GLDC: variants seen among roughly 807,000 people sequenced by gnomAD.
GLDC encodes the protein glycine decarboxylase, also known as glycine dehydrogenase (decarboxylating), mitochondrial.
GLDC carries 104 observed loss-of-function variants against 121.3 expected under a neutral mutation model. That is an observed-to-expected ratio of 0.86 (90% confidence interval 0.73 to 1.01). The LOEUF is 1.01. GLDC is among the 50% of genes least tolerant of loss of function. The pLI is 0.00. For synonymous variants in GLDC, 546 were observed against 480.6 expected, an observed-to-expected ratio of 1.14 and a Z score of -1.78; for missense variants, 1,429 against 1,306.6, an observed-to-expected ratio of 1.09 and a Z score of -1.44.
At chr9:6,548,796 G>C (rs1817449165) in intron 21 of GLDC, among the ~76,000 whole-genome samples, 1 of 152,134 alleles carries the variant, frequency 6.6e-6, no homozygotes, top group South Asian at 2.1e-4. Flanking sequence ...CTCAGTTCCA[G>C]CCTTTCCCTT....
intron 4 of GLDC, among the ~76,000 whole-genome samples, chr9:6,607,953 T>A (rs112425258): frequency 6.6e-6 from 1 of 151,600 alleles, no homozygotes. Flanking sequence ...CAAAACCCTA[T>A]CTCTACAAAA....
rs999698910 is a variant in GLDC, at chr9:6,532,521, A to C, written c.*496T>G. The C allele has an allele frequency of 1.9e-5, 3 of 157,550 alleles. No homozygotes were observed. The highest frequency in any genetic ancestry group is 4.2e-5 in the Non-Finnish European group (3 of 71,036). 9.8% of individuals were successfully genotyped at this position (157,550 alleles called of 1,614,324 possible). A position where few individuals can be genotyped will look rare whatever the true frequency, so the allele number is the denominator to read the frequency against. On this transcript the variant is annotated 3_prime_UTR_variant, in exon 25 of 25. Coordinates refer to ENST00000321612, the MANE Select transcript of GLDC (RefSeq NM_000170.3). Reference sequence around the variant, plus strand: ...TAATAAATGCAGATTAAAAAAAAAAAAACCTCACACAGAAAAAGAGGAGAA... The same window carrying C: ...TAATAAATGCAGATTAAAAAAAAAACAACCTCACACAGAAAAAGAGGAGAA...
At chr9:6,603,942 C>A (rs1438268992) in intron 7 of GLDC, among the ~76,000 whole-genome samples, 1 of 152,052 alleles carries the variant, frequency 6.6e-6, no homozygotes, top group South Asian at 2.1e-4. Flanking sequence ...ATTGGCCAGG[C>A]TCGTCTGGGA....
intron 5 of GLDC, chr9:6,605,510 G>T: frequency 1.7e-6 from 1 of 577,164 alleles, no homozygotes. Flanking sequence ...ACTCCCCTTT[G>T]CCCTTTCCTG....
chr9:6,555,664 C>A (rs1258846979), intron 18 of GLDC, among the ~76,000 whole-genome samples: 2 of 151,976 alleles, frequency 1.3e-5, no homozygotes, highest in African/African-American at 4.8e-5. Context: ...TGGCAGCATG[C>A]ACCTGTAGTC....
rs140098378 is a variant in GLDC at position 6,547,016 on chromosome 9, T to A, written c.2569+3787A>T. Among the ~76,000 whole-genome samples, 382 of 152,078 alleles carry A rather than the reference T, an allele frequency of 2.5e-3. 2 individuals carry two copies. Among genetic ancestry groups the A allele is most frequent in the African/African-American group, 8.9e-3 (370 of 41,470 alleles). ...TAAGAAGCATTATGTAGTGAATACA[T>A]AAACCAGCAGCATAGTCTTTATCAT... On this transcript the variant is annotated intron_variant, in intron 21 of 24. Transcript: ENST00000321612.
At chr9:6,639,124 C>A in intron 2 of GLDC, 1 of 731,496 alleles carries the variant, frequency 1.4e-6, no homozygotes, top group South Asian at 1.4e-5. Context: ...ATGACAAAAA[C>A]AGAGCTTTTT....
intron 2 of GLDC, among the ~76,000 whole-genome samples, chr9:6,633,105 A>AG (rs1819423626): frequency 6.6e-6 from 1 of 152,126 alleles, no homozygotes; most frequent in Non-Finnish European, 1.5e-5. Context: ...TCAGAAATGC[A>AG]GCCCCTCAAC....
At chr9:6,612,952 A>G (rs1818891228) in intron 3 of GLDC, among the ~76,000 whole-genome samples, 1 of 152,164 alleles carries the variant, frequency 6.6e-6, no homozygotes, top group African/African-American at 2.4e-5. Flanking sequence ...GGGTGACGGG[A>G]GTGAGACTCT....
chr9:6,558,385 G>T, intron 17 of GLDC, 174 bp downstream of exon 17: 1 of 756,508 alleles, frequency 1.3e-6, no homozygotes, highest in South Asian at 1.5e-5. Context: ...ATTAGAAAAC[G>T]GGGATTTCTC....
intron 17 of GLDC, chr9:6,557,755 C>T (rs960883708): frequency 6.6e-6 from 1 of 152,090 alleles, no homozygotes; most frequent in African/African-American, 2.4e-5. Flanking sequence ...TCCTGGCCAG[C>T]ATATCAGAGC....
intron 8 of GLDC, among the ~76,000 whole-genome samples, chr9:6,596,572 C>T (rs1053162069): frequency 6.6e-6 from 1 of 152,092 alleles, no homozygotes; most frequent in Non-Finnish European, 1.5e-5. Context: ...AAGACCCCAT[C>T]TCTAAAATAA....
intron 2 of GLDC, among the ~76,000 whole-genome samples, chr9:6,641,181 A>G (rs1377086350): frequency 6.6e-6 from 1 of 152,222 alleles, no homozygotes; most frequent in African/African-American, 2.4e-5. Context: ...CTGTCCGGCC[A>G]TTCTGTCCTA....
intron 22 of GLDC, among the ~76,000 whole-genome samples, chr9:6,538,057 C>A (rs1262554256): frequency 6.6e-6 from 1 of 151,998 alleles, no homozygotes; most frequent in African/African-American, 2.4e-5. Context: ...CTAACTGTAC[C>A]ATTTAATGAG....
intron 21 of GLDC, among the ~76,000 whole-genome samples, chr9:6,544,385 G>T (rs1016971994): frequency 1.3e-5 from 2 of 152,046 alleles, no homozygotes; most frequent in Non-Finnish European, 2.9e-5. Context: ...AGGCAAAGTC[G>T]CTGTTTGTCT....
At chr9:6,570,172 A>G (rs1817931340) in intron 15 of GLDC, among the ~76,000 whole-genome samples, 1 of 152,246 alleles carries the variant, frequency 6.6e-6, no homozygotes. Context: ...GAACACCAGC[A>G]GTCACCAAAA....
In GLDC at chr9:6,557,244, T is replaced by C. The variant is rs563474756; in HGVS notation, c.2053-942A>G. On this transcript the variant is annotated intron_variant, in intron 17 of 24. Transcript: ENST00000321612. Reference sequence around the variant, plus strand: ...CCTGATCTGATCTCTATACATTTGATGTATAGAAACATCACTATATACCCC... The same window carrying C: ...CCTGATCTGATCTCTATACATTTGACGTATAGAAACATCACTATATACCCC... Among the ~76,000 whole-genome samples, 8 of 152,362 alleles carry C rather than the reference T, an allele frequency of 5.3e-5. 1 individual carries two copies. The South Asian group carries it at 1.7e-3, about 32-fold the overall frequency.
intron 18 of GLDC, 50 bp downstream of exon 18, chr9:6,556,103 C>T: frequency 6.7e-7 from 1 of 1,493,468 alleles, no homozygotes; most frequent in Admixed American, 1.8e-5. Flanking sequence ...TTTTTTTCCA[C>T]ATATCCATTT....
chr9:6,639,310 C>T, intron 2 of GLDC: 1 of 932,762 alleles, frequency 1.1e-6, no homozygotes, highest in Non-Finnish European at 1.8e-6. Context: ...ACTCCAGAGA[C>T]AGCCCAAATA....
Sources: gnomAD v4.1 joint callset for allele counts (sites outside exome capture counted in the v4.1 genomes callset) on GRCh38, gnomAD v4.1.1 for gene constraint, MANE v1.5 for transcripts, NCBI Gene and HGNC (gene_info 2026-07-23, HGNC 2026-07-21) for gene names.